The following KIF25 variants were observed in gnomAD, a reference collection of about 807,000 sequenced individuals.
KIF25 encodes the protein kinesin family member 25, also known as kinesin-like protein KIF25.
A neutral mutation model predicts 32.9 loss-of-function variants in KIF25; 19 were observed. The observed-to-expected ratio is 0.58, with a 90% confidence interval of 0.40 to 0.85. The LOEUF (loss-of-function observed/expected upper bound fraction) is 0.85. Ranked by LOEUF, KIF25 falls within the 40% of genes least tolerant of loss-of-function variation. KIF25 has a pLI of 0.00. For synonymous variants in KIF25, 225 were observed against 213.7 expected, an observed-to-expected ratio of 1.05 and a Z score of -0.46; for missense variants, 485 against 507.0, an observed-to-expected ratio of 0.96 and a Z score of 0.42.
intron 4 of KIF25, among the ~76,000 whole-genome samples, chr6:168,012,383 G>A (rs916566693): frequency 6.6e-6 from 1 of 152,218 alleles, no homozygotes; most frequent in Admixed American, 6.5e-5. Context: ...ACACAGCAAT[G>A]TAGTCTCCAT....
At chr6:168,041,164 C>G (rs993436311) in intron 10 of KIF25, among the ~76,000 whole-genome samples, 2 of 152,270 alleles carry the variant, frequency 1.3e-5, no homozygotes, top group Non-Finnish European at 2.9e-5. Context: ...CCATTTCTCA[C>G]TCATATTGAA....
chr6:168,029,412 G>T, intron 5 of KIF25, 80 bp from the exon 6 acceptor site: 2 of 974,422 alleles, frequency 2.1e-6, no homozygotes, highest in Non-Finnish European at 2.9e-6. Context: ...CTTTTGGATG[G>T]TGTTAAAGAA....
chr6:168,004,897 C>T (rs1397225909), intron 4 of KIF25, among the ~76,000 whole-genome samples: 1 of 152,318 alleles, frequency 6.6e-6, no homozygotes, highest in Admixed American at 6.5e-5. Context: ...AAAATCAAAC[C>T]AGCATCTAAT....
Position 168,042,717 on chromosome 6 carries a change from G to A in KIF25, c.985+1G>A, listed in dbSNP as rs1168128454. 2 of 1,607,080 alleles carry A rather than the reference G, an allele frequency of 1.2e-6. No homozygotes were observed. The highest frequency in any genetic ancestry group is 1.7e-4 in the Middle Eastern group (1 of 6,036). On this transcript the variant is annotated splice_donor_variant, in intron 12 of 12. Coordinates refer to ENST00000643607, the MANE Select transcript of KIF25 (RefSeq NM_030615.4). LOFTEE classifies it high-confidence loss of function. ...ACCCACCTCCTTCAGGACTGCCTCG[G>A]TAACCGTTTTCCCCAAAATGCCCCA...
At chr6:168,013,520 A>G (rs534182478) in intron 4 of KIF25, among the ~76,000 whole-genome samples, 167 of 152,190 alleles carry the variant, frequency 1.1e-3, no homozygotes, top group African/African-American at 3.8e-3. Flanking sequence ...GCTGTGCTGC[A>G]GCAGCTTGGC....
At chr6:168,006,762 A>G (rs1798584677) in intron 4 of KIF25, among the ~76,000 whole-genome samples, 1 of 124,654 alleles carries the variant, frequency 8.0e-6, no homozygotes. Context: ...TGTCACGTTG[A>G]TTACCATATG....
chr6:168,042,800 G>A (rs112488931), intron 12 of KIF25, 84 bp downstream of exon 12: 26 of 1,475,336 alleles, frequency 1.8e-5, no homozygotes, highest in African/African-American at 1.7e-4. Flanking sequence ...GCACGTCCTC[G>A]AGGGCCACCC....
In KIF25 at chr6:167,997,906, G is replaced by A. The variant is rs193281353; in HGVS notation, c.-1563G>A. Among the ~76,000 whole-genome samples the A allele has an allele frequency of 2.0e-5, 3 of 152,148 alleles. No homozygotes were observed. Among genetic ancestry groups the A allele is most frequent in the African/African-American group, 4.8e-5 (2 of 41,406 alleles). On this transcript the variant is annotated 5_prime_UTR_variant, in exon 1 of 13. Transcript: ENST00000643607. ...GAAGCTTCTCTTCCCTGGCCATGCC[G>A]AGAGGTTCTCCAGCTGTTAGATGTG...
chr6:168,025,302 G>A (rs1330904892), intron 5 of KIF25, among the ~76,000 whole-genome samples: 3 of 152,102 alleles, frequency 2.0e-5, no homozygotes, highest in East Asian at 3.9e-4. Context: ...GTTGGAGGCC[G>A]CTGCTCCAAC....
intron 10 of KIF25, among the ~76,000 whole-genome samples, chr6:168,041,766 G>A (rs1459352373): frequency 1.3e-5 from 2 of 152,206 alleles, no homozygotes; most frequent in Non-Finnish European, 2.9e-5. Context: ...CTTCCACAGT[G>A]AAGAAAGCTG....
intron 4 of KIF25, among the ~76,000 whole-genome samples, chr6:168,015,084 T>C (rs1798696161): frequency 6.6e-6 from 1 of 152,254 alleles, no homozygotes; most frequent in African/African-American, 2.4e-5. Context: ...TGTATGGTCC[T>C]TAATACATTA....
At chr6:168,041,820 G>C (rs1400715726) in intron 10 of KIF25, 149 bp from the exon 11 acceptor site, 1 of 704,644 alleles carries the variant, frequency 1.4e-6, no homozygotes, top group Non-Finnish European at 2.3e-6. Context: ...CTATCCCCTG[G>C]ACCTCTGCGG....
intron 2 of KIF25, among the ~76,000 whole-genome samples, chr6:168,001,714 C>T (rs1425882279): frequency 1.3e-4 from 9 of 68,514 alleles, no homozygotes; most frequent in East Asian, 7.6e-4. Context: ...ACACCTGAGG[C>T]GTGGCCGCGG....
intron 5 of KIF25, among the ~76,000 whole-genome samples, chr6:168,018,930 G>A (rs542332374): frequency 6.6e-6 from 1 of 152,328 alleles, no homozygotes; most frequent in East Asian, 1.9e-4. Flanking sequence ...GAAGGAGGAG[G>A]CCAGGAAAGA....
chr6:168,004,145 G>T (rs1291512452), intron 4 of KIF25, among the ~76,000 whole-genome samples: 1 of 152,158 alleles, frequency 6.6e-6, no homozygotes, highest in East Asian at 1.9e-4. Context: ...CACCCCAGGG[G>T]TGTCTGAGTA....
Position 168,038,623 on chromosome 6 carries a change from AT to A in KIF25, c.393del (p.Phe131LeufsTer20). 1 of 1,614,120 alleles carries A rather than the reference AT, an allele frequency of 6.2e-7. No individual in the cohort carries two copies. Among genetic ancestry groups the A allele is most frequent in the Non-Finnish European group, 8.5e-7 (1 of 1,180,026 alleles). ...VSIVEVYNND[I>X]FDLLAKDSIA... ...CATAGTGGAAGTTTACAATAATGAC[AT>A]TTTTGACCTTCTGGCCAAAGACAGC... On this transcript the variant is annotated frameshift_variant, in exon 9 of 13. Coordinates refer to ENST00000643607, the MANE Select transcript of KIF25 (RefSeq NM_030615.4). LOFTEE classifies it high-confidence loss of function.
chr6:168,020,060 T>C (rs541274389), intron 5 of KIF25, among the ~76,000 whole-genome samples: 21 of 152,200 alleles, frequency 1.4e-4, no homozygotes, highest in African/African-American at 5.1e-4. Flanking sequence ...GAACTCAAGA[T>C]GTGGAGGTTG....
intron 5 of KIF25, among the ~76,000 whole-genome samples, chr6:168,019,427 A>C (rs553248334): frequency 2.8e-4 from 43 of 152,198 alleles, no homozygotes; most frequent in Non-Finnish European, 5.6e-4. Flanking sequence ...AGATATGAAA[A>C]ATTATAAAAA....
At chr6:168,007,152 T>A (rs1267627628) in intron 4 of KIF25, among the ~76,000 whole-genome samples, 1 of 152,202 alleles carries the variant, frequency 6.6e-6, no homozygotes, top group East Asian at 1.9e-4. Context: ...GGCTCACACT[T>A]GTAATCCTAG....
Sources: gnomAD v4.1 joint callset for allele counts (sites outside exome capture counted in the v4.1 genomes callset) on GRCh38, gnomAD v4.1.1 for gene constraint, MANE v1.5 for transcripts, NCBI Gene and HGNC (gene_info 2026-07-23, HGNC 2026-07-21) for gene names.